DNAJC17: variants seen among roughly 807,000 people sequenced by gnomAD.
DNAJC17 encodes the protein dnaJ homolog subfamily C member 17.
Under a neutral mutation model 48.1 loss-of-function variants are expected in DNAJC17, and 35 were observed. The ratio of observed to expected loss-of-function variants is 0.73; its 90% CI spans 0.56 to 0.96. The LOEUF is 0.96. DNAJC17 is among the 50% of genes least tolerant of loss of function. The pLI, the probability that DNAJC17 is intolerant of heterozygous loss-of-function variation, is 0.00. For missense variants in DNAJC17, 355 were observed against 377.1 expected (o/e 0.94, Z 0.48); for synonymous variants, 117 against 142.7 (o/e 0.82, Z 1.28).
intron 1 of DNAJC17, among the ~76,000 whole-genome samples, chr15:40,789,243 G>T (rs1483915801): frequency 6.6e-6 from 1 of 152,040 alleles, no homozygotes; most frequent in Non-Finnish European, 1.5e-5. Context: ...CTCCCCAAAT[G>T]ATGGCCCTTG....
At chr15:40,777,897 G>C (rs980370926) in intron 4 of DNAJC17, among the ~76,000 whole-genome samples, 5 of 152,110 alleles carry the variant, frequency 3.3e-5, no homozygotes, top group African/African-American at 1.2e-4. Context: ...GTGTACACTT[G>C]AAATGGGTTG....
chr15:40,773,267 G>A (rs1328426968), intron 10 of DNAJC17, among the ~76,000 whole-genome samples: 1 of 152,116 alleles, frequency 6.6e-6, no homozygotes, highest in Admixed American at 6.5e-5. Flanking sequence ...GCCTGCCAGG[G>A]TTACTTCAAG....
intron 1 of DNAJC17, among the ~76,000 whole-genome samples, chr15:40,781,153 GAAAAAAAA>G (rs11337976): frequency 1.1e-5 from 1 of 88,996 alleles, no homozygotes; most frequent in Non-Finnish European, 2.3e-5. Flanking sequence ...CTCCATCTCA[GAAAAAAAA>G]AAAAAAAAAA....
intron 1 of DNAJC17, among the ~76,000 whole-genome samples, chr15:40,790,477 G>C (rs1219978093): frequency 3.9e-5 from 6 of 152,118 alleles, no homozygotes; most frequent in Non-Finnish European, 2.9e-5. Context: ...TACTTGGGAA[G>C]CTGAGGTATG....
intron 1 of DNAJC17, among the ~76,000 whole-genome samples, chr15:40,783,992 T>C (rs887726163): frequency 6.6e-6 from 1 of 151,968 alleles, no homozygotes; most frequent in African/African-American, 2.4e-5. Context: ...TTTGGGAGGC[T>C]GAGGCGGGCG....
At position 40,766,943 on chromosome 15, in the gene DNAJC17, A is replaced by ATGG. The variant is rs1175979403; in HGVS notation, c.*996_*997insCCA. 1.9e-4 allele frequency: 46 copies of ATGG among 248,088 alleles called. No individual in the cohort carries two copies. The highest frequency in any genetic ancestry group is 1.0e-3 in the African/African-American group (45 of 44,892). The allele number at this position is 248,088 out of a possible 1,614,324, so 15.4% of individuals were successfully genotyped here. On this transcript the variant is annotated 3_prime_UTR_variant, in exon 11 of 11. Coordinates refer to ENST00000220496, the MANE Select transcript of DNAJC17 (RefSeq NM_018163.3). ...TGTGGTCAGACTAACATGGTCTACC[A>ATGG]TCTGGGACGCTGGGGAACCTGATTA...
chr15:40,765,805 GC>G lies in DNAJC17; in HGVS notation c.*2134del. 1 of 1,375,618 alleles carries G rather than the reference GC, an allele frequency of 7.3e-7. No homozygotes were observed. The highest frequency in any genetic ancestry group is 1.4e-5 in the African/African-American group (1 of 69,454). The allele number at this position is 1,375,618 out of a possible 1,614,324, so 85.2% of individuals were successfully genotyped here. A position where few individuals can be genotyped will look rare whatever the true frequency, so the allele number is the denominator to read the frequency against. ...CCTCCTCCTGGCAGCCAGCCAAGCAGCCACTGTGGCTTACCTTGCAGGAGGT... is the reference window on the plus strand; with the variant it reads ...CCTCCTCCTGGCAGCCAGCCAAGCAGCACTGTGGCTTACCTTGCAGGAGGT... On this transcript the variant is annotated 3_prime_UTR_variant, in exon 11 of 11. Coordinates refer to ENST00000220496, the MANE Select transcript of DNAJC17 (RefSeq NM_018163.3).
intron 1 of DNAJC17, among the ~76,000 whole-genome samples, chr15:40,794,741 G>A (rs1284699548): frequency 3.3e-5 from 5 of 151,952 alleles, no homozygotes; most frequent in Non-Finnish European, 7.4e-5. Context: ...TTTTTGAGAC[G>A]GAGTCTTGCT....
chr15:40,799,835 T>C (rs1222353733), intron 1 of DNAJC17, among the ~76,000 whole-genome samples: 2 of 152,150 alleles, frequency 1.3e-5, no homozygotes, highest in Non-Finnish European at 2.9e-5. Flanking sequence ...CCAACATTTA[T>C]TTCTCTCTCT....
intron 1 of DNAJC17, among the ~76,000 whole-genome samples, chr15:40,795,719 AC>A (rs1310399028): frequency 6.6e-6 from 1 of 151,834 alleles, no homozygotes; most frequent in Admixed American, 6.6e-5. Flanking sequence ...ACATGGTGAA[AC>A]CCCGTCTCTA....
At chr15:40,798,929 G>C (rs991023349) in intron 1 of DNAJC17, among the ~76,000 whole-genome samples, 6 of 152,170 alleles carry the variant, frequency 3.9e-5, no homozygotes, top group Admixed American at 1.3e-4. Flanking sequence ...TAAGAATTTG[G>C]CGCTTGCTGG....
At chr15:40,779,755 A>G (rs929747034) in intron 2 of DNAJC17, 152 bp from the exon 3 acceptor site, 6 of 1,089,362 alleles carry the variant, frequency 5.5e-6, no homozygotes, top group Admixed American at 2.3e-5. Context: ...AGGGGTGAGC[A>G]TATCAGCAAC....
At chr15:40,801,300 AG>A (rs1890066422) in intron 1 of DNAJC17, among the ~76,000 whole-genome samples, 1 of 152,240 alleles carries the variant, frequency 6.6e-6, no homozygotes, top group African/African-American at 2.4e-5. Context: ...AATAAGTGCT[AG>A]AAAAAAGAAA....
In DNAJC17 at chr15:40,770,875, G is replaced by A. The variant is rs1889118228; in HGVS notation, c.793-2813C>T. The A allele has an allele frequency of 1.3e-6, 2 of 1,551,534 alleles. No individual in the cohort carries two copies. The highest frequency in any genetic ancestry group is 1.4e-5 in the African/African-American group (1 of 73,176). On this transcript the variant is annotated intron_variant, in intron 10 of 10. Transcript: ENST00000220496. This position sits in a 1 kb window ranked among gnomAD's most constrained non-coding sequence, Gnocchi z 5.0. ...GCCCTCCACCAGCACTCAGAGAAGGGCCTTGTGGACACTCCCTGCTTCCAG... is the reference window on the plus strand; with the variant it reads ...GCCCTCCACCAGCACTCAGAGAAGGACCTTGTGGACACTCCCTGCTTCCAG...
chr15:40,766,803 G>A lies in DNAJC17; in HGVS notation c.*1137C>T. 6.5e-6 allele frequency: 1 copy of A among 154,266 alleles called. No individual in the cohort carries two copies. The highest frequency in any genetic ancestry group is 1.4e-5 in the Non-Finnish European group (1 of 69,422). The allele number at this position is 154,266 out of a possible 1,614,324, so 9.6% of individuals were successfully genotyped here. A position where few individuals can be genotyped will look rare whatever the true frequency, so the allele number is the denominator to read the frequency against. ...GAGGCTTATTTTTTTTTGAAATGGA[G>A]TCTCTGTCGCCCAGGCTGGAGTGCG... On this transcript the variant is annotated 3_prime_UTR_variant, in exon 11 of 11. Transcript: ENST00000220496.
chr15:40,777,930 C>A (rs1437014880), intron 4 of DNAJC17, among the ~76,000 whole-genome samples: 1 of 152,076 alleles, frequency 6.6e-6, no homozygotes, highest in Admixed American at 6.5e-5. Flanking sequence ...ACAAAGAATA[C>A]CTCAATAAAG....
chr15:40,799,979 A>G (rs950848483), intron 1 of DNAJC17, among the ~76,000 whole-genome samples: 2 of 151,630 alleles, frequency 1.3e-5, no homozygotes, highest in Admixed American at 1.3e-4. Context: ...CCTCTCCATG[A>G]GCCATCACAC....
chr15:40,775,956 G>GCT (rs1270593105), intron 6 of DNAJC17, among the ~76,000 whole-genome samples: 1 of 152,174 alleles, frequency 6.6e-6, no homozygotes, highest in Non-Finnish European at 1.5e-5. Flanking sequence ...GGCCACCTCT[G>GCT]CTTGGGACAA....
Position 40,776,190 on chromosome 15 carries a change from C to T in DNAJC17, c.478+6G>A. Reference sequence around the variant, plus strand: ...AGGGGAGATAGGCGGGGTGATAGACCTGCACCTCTCAACCTCTGGTCACGC... The same window carrying T: ...AGGGGAGATAGGCGGGGTGATAGACTTGCACCTCTCAACCTCTGGTCACGC... On this transcript the variant is annotated splice_donor_region_variant and intron_variant, in intron 6 of 10. Coordinates refer to ENST00000220496, the MANE Select transcript of DNAJC17 (RefSeq NM_018163.3). 1 of 1,612,930 alleles carries T rather than the reference C, an allele frequency of 6.2e-7. No homozygotes were observed. The highest frequency in any genetic ancestry group is 8.5e-7 in the Non-Finnish European group (1 of 1,179,838).
Sources: allele counts gnomAD v4.1 joint callset (sites outside exome capture counted in the v4.1 genomes callset), GRCh38; gene constraint gnomAD v4.1.1; non-coding constraint Gnocchi (gnomAD v3.1); transcripts MANE v1.5; gene names NCBI Gene and HGNC (gene_info 2026-07-23, HGNC 2026-07-21).